Variants in HNF4G observed in about 807,000 individuals in gnomAD.
HNF4G encodes the protein hepatocyte nuclear factor 4 gamma.
A neutral mutation model predicts 50.9 loss-of-function variants in HNF4G; 21 were observed. The observed-to-expected ratio is 0.41, with a 90% CI of 0.29 to 0.59. The LOEUF (loss-of-function observed/expected upper bound fraction) is 0.59. Ranked by LOEUF, HNF4G falls within the 20% of genes least tolerant of loss-of-function variation. HNF4G has a pLI of 0.26. For synonymous variants in HNF4G, 198 were observed against 185.6 expected, an observed-to-expected ratio of 1.07 and a Z score of -0.54; for missense variants, 527 against 559.4, an observed-to-expected ratio of 0.94 and a Z score of 0.58.
intron 1 of HNF4G, among the ~76,000 whole-genome samples, chr8:75,466,055 A>G (rs918017740): frequency 2.0e-5 from 3 of 152,152 alleles, no homozygotes; most frequent in Non-Finnish European, 4.4e-5. Context: ...TTTTACCTTT[A>G]CTATCATTTT....
chr8:75,521,412 A>C (rs1282604975), intron 2 of HNF4G, among the ~76,000 whole-genome samples: 1 of 152,214 alleles, frequency 6.6e-6, no homozygotes, highest in Non-Finnish European at 1.5e-5. Flanking sequence ...ATGTATAAAA[A>C]TCTATTGATA....
At chr8:75,455,429 C>T (rs1278518998) in intron 1 of HNF4G, among the ~76,000 whole-genome samples, 2 of 152,068 alleles carry the variant, frequency 1.3e-5, no homozygotes, top group Admixed American at 6.6e-5. Flanking sequence ...TCTTTAGTTA[C>T]ACACAGGCCA....
At chr8:75,533,463 A>G (rs1429110066) in intron 2 of HNF4G, among the ~76,000 whole-genome samples, 4 of 152,014 alleles carry the variant, frequency 2.6e-5, no homozygotes, top group Admixed American at 1.3e-4. Context: ...GGCCTAATAT[A>G]CAAGTTGGCA....
chr8:75,478,870 C>T (rs879257856), intron 1 of HNF4G, among the ~76,000 whole-genome samples: 5 of 152,084 alleles, frequency 3.3e-5, no homozygotes, highest in Admixed American at 6.5e-5. Context: ...ATTGCAGGCA[C>T]GTGCCACCAC....
chr8:75,554,048 T>C lies in HNF4G; in HGVS notation c.645+851T>C, dbSNP rs74365495. On this transcript the variant is annotated intron_variant, in intron 5 of 9. Coordinates refer to ENST00000396423, the MANE Select transcript of HNF4G (RefSeq NM_004133.5). Reference sequence around the variant, plus strand: ...TAACCATGGTAAGTGTTATAACCAGTGTATATTTATTTTTAAGAGAGCGTT... The same window carrying C: ...TAACCATGGTAAGTGTTATAACCAGCGTATATTTATTTTTAAGAGAGCGTT... 9.9e-3 allele frequency among the ~76,000 whole-genome samples: 1,501 copies of C among 152,202 alleles called. 32 individuals carry two copies. The highest frequency in any genetic ancestry group is 0.034 in the African/African-American group (1,425 of 41,520).
chr8:75,550,296 TTCTC>T (rs1391414192), intron 3 of HNF4G, among the ~76,000 whole-genome samples: 2 of 151,768 alleles, frequency 1.3e-5, no homozygotes, highest in Non-Finnish European at 2.9e-5. Flanking sequence ...ATCTATTTTA[TTCTC>T]TCTCTCTCTC....
intron 1 of HNF4G, among the ~76,000 whole-genome samples, chr8:75,489,413 A>G (rs531253590): frequency 6.6e-6 from 1 of 152,324 alleles, no homozygotes; most frequent in South Asian, 2.1e-4. Flanking sequence ...ACCAGAGATA[A>G]ACTGAACCTC....
At chr8:75,528,386 A>G (rs555514693) in intron 2 of HNF4G, among the ~76,000 whole-genome samples, 1 of 152,340 alleles carries the variant, frequency 6.6e-6, no homozygotes, top group East Asian at 1.9e-4. Context: ...TAAAACCTCA[A>G]TGAAACATAT....
At position 75,563,990 on chromosome 8, in the gene HNF4G, C is replaced by CA. The variant is rs769211420; in HGVS notation, c.1263dup (p.Leu422ThrfsTer46). The stretch of plus-strand genomic sequence containing the variant: ...TCTTTTTCAGCAACTCCTGAAACCC[C>CA]ACTCCCTTCCCCACCACAAGGCTCT... On this transcript the variant is annotated frameshift_variant, in exon 10 of 10. Coordinates refer to ENST00000396423, the MANE Select transcript of HNF4G (RefSeq NM_004133.5). LOFTEE classifies it high-confidence loss of function. The CA allele has an allele frequency of 1.2e-6, 2 of 1,613,542 alleles. No homozygotes were observed. The highest frequency in any genetic ancestry group is 1.7e-6 in the Non-Finnish European group (2 of 1,179,602).
intron 1 of HNF4G, among the ~76,000 whole-genome samples, chr8:75,470,055 C>A (rs1258697778): frequency 4.6e-5 from 7 of 152,154 alleles, no homozygotes; most frequent in Admixed American, 3.9e-4. Flanking sequence ...TTAGATGATT[C>A]TCTTACTATC....
At chr8:75,449,105 C>A (rs1352821577) in intron 1 of HNF4G, among the ~76,000 whole-genome samples, 1 of 152,132 alleles carries the variant, frequency 6.6e-6, no homozygotes, top group African/African-American at 2.4e-5. Flanking sequence ...TCTCATGTAA[C>A]AACACCAAAG....
chr8:75,508,053 G>A (rs1805641795), intron 2 of HNF4G, among the ~76,000 whole-genome samples: 1 of 151,452 alleles, frequency 6.6e-6, no homozygotes, highest in South Asian at 2.1e-4. Context: ...AGAAAAGGGA[G>A]AATAACCGTA....
intron 5 of HNF4G, among the ~76,000 whole-genome samples, chr8:75,554,419 A>G (rs1807055792): frequency 6.6e-6 from 1 of 152,190 alleles, no homozygotes; most frequent in African/African-American, 2.4e-5. Context: ...TAACAGTATA[A>G]CATTTATTAA....
chr8:75,563,069 T>C (rs2941476), intron 9 of HNF4G, among the ~76,000 whole-genome samples: 21,191 of 152,148 alleles, frequency 0.14, 2,005 homozygotes, highest in Non-Finnish European at 0.19. Context: ...TTGTTTTGTA[T>C]ATAATGTTTT....
chr8:75,428,512 C>T (rs1264553853), intron 1 of HNF4G, among the ~76,000 whole-genome samples: 3 of 152,000 alleles, frequency 2.0e-5, no homozygotes, highest in Non-Finnish European at 4.4e-5. Flanking sequence ...TATGTGATGC[C>T]ATAAGACTAT....
chr8:75,518,202 T>C (rs1237291120), intron 2 of HNF4G, among the ~76,000 whole-genome samples: 6 of 138,866 alleles, frequency 4.3e-5, no homozygotes, highest in Admixed American at 4.0e-4. Flanking sequence ...TGTGTTCTCA[T>C]TGTTCAGTTC....
At position 75,558,599 on chromosome 8, in the gene HNF4G, G is replaced by A. The variant is rs751544557; in HGVS notation, c.815G>A (p.Arg272Lys). Residue 272 changes from arginine (R) to lysine (K), a missense_variant, in exon 7 of 10, where the codon AGA (arginine) becomes AAA (lysine). Arg to Lys is a conservative substitution (Grantham distance 26). This residue lies in a region of HNF4G where 308 missense variants were observed against 301.5 expected (regional missense o/e 1.02). Coordinates refer to ENST00000396423, the MANE Select transcript of HNF4G (RefSeq NM_004133.5). ...VANRVLDELV[R>K]PFQEIQIDDN... ...AATCGTGTTCTAGATGAGCTGGTTA[G>A]ACCATTTCAAGAAATCCAGATTGAT... 2 of 1,613,938 alleles carry A rather than the reference G, an allele frequency of 1.2e-6. No individual in the cohort carries two copies. The highest frequency in any genetic ancestry group is 2.2e-5 in the East Asian group (1 of 44,874).
intron 3 of HNF4G, among the ~76,000 whole-genome samples, chr8:75,549,252 G>T (rs567572893): frequency 6.6e-6 from 1 of 152,290 alleles, no homozygotes; most frequent in East Asian, 1.9e-4. Context: ...ATAGTAGCAA[G>T]ATTAATTAGA....
chr8:75,488,787 A>C (rs1257466318), intron 1 of HNF4G, among the ~76,000 whole-genome samples: 1 of 152,186 alleles, frequency 6.6e-6, no homozygotes. Context: ...CCTCAAATTT[A>C]AAAAATGAAT....
Sources: allele counts gnomAD v4.1 joint callset (sites outside exome capture counted in the v4.1 genomes callset), GRCh38; gene constraint gnomAD v4.1.1; regional missense constraint gnomAD v4.1.1; transcripts MANE v1.5; gene names NCBI Gene and HGNC (gene_info 2026-07-23, HGNC 2026-07-21).